Variants in MYO1E observed in about 807,000 individuals in gnomAD.
MYO1E encodes the protein unconventional myosin-Ie.
In MYO1E, 68 loss-of-function variants were observed where a neutral mutation model predicts 151.1. The observed-to-expected ratio is 0.45, with a 90% CI of 0.37 to 0.55. The LOEUF (loss-of-function observed/expected upper bound fraction) is 0.55. Among genes scored for constraint, MYO1E ranks in the 20% least tolerant of loss-of-function variants. The probability of loss-of-function intolerance (pLI) is 0.00; values close to 1 mark genes in which losing one functional copy is unlikely to be tolerated. For synonymous variants in MYO1E, 601 were observed against 501.7 expected (o/e 1.20, Z -2.64); for missense variants, 1,363 against 1,389.3 (o/e 0.98, Z 0.30).
At chr15:59,220,089 C>A (rs1457361844) in intron 9 of MYO1E, among the ~76,000 whole-genome samples, 2 of 152,192 alleles carry the variant, frequency 1.3e-5, no homozygotes, top group Non-Finnish European at 2.9e-5. Flanking sequence ...TTTAGCTTCA[C>A]AGCAACGTAA....
At chr15:59,286,247 G>A (rs1349070345) in intron 1 of MYO1E, among the ~76,000 whole-genome samples, 1 of 152,174 alleles carries the variant, frequency 6.6e-6, no homozygotes, top group Non-Finnish European at 1.5e-5. Context: ...TATACTGCTT[G>A]CAAAATACGC....
intron 14 of MYO1E, chr15:59,206,935 G>A (rs1479294610): frequency 3.7e-6 from 6 of 1,606,642 alleles, no homozygotes; most frequent in Non-Finnish European, 5.1e-6. Flanking sequence ...TCTTCAGTGA[G>A]CAGCCATGAG....
intron 19 of MYO1E, among the ~76,000 whole-genome samples, chr15:59,175,247 A>T (rs572036700): frequency 1.3e-5 from 2 of 152,342 alleles, no homozygotes; most frequent in East Asian, 3.9e-4. Flanking sequence ...GTAAAATAGT[A>T]GGAAACCTTC....
rs796100293 is a variant in MYO1E, at chr15:59,192,541, A to T, written c.1805+2920T>A. 2.0e-5 allele frequency among the ~76,000 whole-genome samples: 3 copies of T among 152,138 alleles called. No individual in the cohort carries two copies. The South Asian group carries it at 6.2e-4, about 32-fold the overall frequency. ...GAGGAGGGTGTGCTAGGGGGCATTG[A>T]TCAGACAATGCCCAGTTGTTCCCTA... On this transcript the variant is annotated intron_variant, in intron 17 of 27. Coordinates refer to ENST00000288235, the MANE Select transcript of MYO1E (RefSeq NM_004998.4).
chr15:59,269,947 CAG>C (rs1278176203), intron 2 of MYO1E, among the ~76,000 whole-genome samples: 1 of 152,086 alleles, frequency 6.6e-6, no homozygotes, highest in East Asian at 1.9e-4. Flanking sequence ...TGAGACTTTG[CAG>C]AGAGTCTGTT....
At chr15:59,151,891 C>G (rs1353735254) in intron 26 of MYO1E, among the ~76,000 whole-genome samples, 2 of 135,062 alleles carry the variant, frequency 1.5e-5, no homozygotes, top group South Asian at 2.2e-4. Flanking sequence ...TACAAAAATA[C>G]ACACACACAC....
chr15:59,277,288 T>C (rs1220253631), intron 1 of MYO1E, among the ~76,000 whole-genome samples: 2 of 152,166 alleles, frequency 1.3e-5, no homozygotes, highest in African/African-American at 4.8e-5. Flanking sequence ...GGCTCATACC[T>C]GTAATTCCAG....
rs1262295886 is a variant in MYO1E, at chr15:59,147,615, AC to A, written c.3080+5974del. Among the ~76,000 whole-genome samples, 63 of 147,870 alleles carry A rather than the reference AC, an allele frequency of 4.3e-4. 1 individual carries two copies. The highest frequency in any genetic ancestry group is 6.5e-4 in the South Asian group (3 of 4,618). On this transcript the variant is annotated intron_variant, in intron 26 of 27. Coordinates refer to ENST00000288235, the MANE Select transcript of MYO1E (RefSeq NM_004998.4). ...CTGTCTCAAAAAAAAAAAAAAAAAA[AC>A]AATACAAAAAAAAGAAAGGAAGAGA...
chr15:59,208,030 C>T, intron 14 of MYO1E: 2 of 1,590,506 alleles, frequency 1.3e-6, no homozygotes, highest in Non-Finnish European at 1.7e-6. Flanking sequence ...AGAAGAGGCC[C>T]ATCTGAAAAA....
intron 1 of MYO1E, among the ~76,000 whole-genome samples, chr15:59,280,481 T>A (rs527331922): frequency 0.027 from 4,118 of 152,044 alleles, 74 homozygotes; most frequent in Non-Finnish European, 0.034. Flanking sequence ...AAAATTAGCC[T>A]CGTGGTGGTG....
intron 1 of MYO1E, among the ~76,000 whole-genome samples, chr15:59,310,558 T>C (rs1417305147): frequency 6.6e-6 from 1 of 152,140 alleles, no homozygotes; most frequent in East Asian, 1.9e-4. Context: ...CACTAGAAGC[T>C]GAGCAAAAGC....
At chr15:59,186,855 T>G (rs1483468406) in intron 18 of MYO1E, among the ~76,000 whole-genome samples, 2 of 152,240 alleles carry the variant, frequency 1.3e-5, no homozygotes, top group Non-Finnish European at 2.9e-5. Context: ...ACAGAATCAT[T>G]AGAGAAGTTA....
At chr15:59,323,480 G>A (rs535053095) in intron 1 of MYO1E, among the ~76,000 whole-genome samples, 39 of 151,522 alleles carry the variant, frequency 2.6e-4, no homozygotes, top group Admixed American at 1.1e-3. Flanking sequence ...GTGAAACCCC[G>A]TCTCTACTAA....
intron 13 of MYO1E, 117 bp from the exon 14 acceptor site, chr15:59,208,965 A>G (rs1596366508): frequency 8.1e-7 from 1 of 1,229,608 alleles, no homozygotes; most frequent in East Asian, 2.5e-5. Context: ...CCATCTTGAA[A>G]GTCAGTATTC....
intron 1 of MYO1E, among the ~76,000 whole-genome samples, chr15:59,297,030 T>A (rs2080453748): frequency 6.0e-5 from 3 of 49,732 alleles, no homozygotes; most frequent in Non-Finnish European, 1.1e-4. Flanking sequence ...TTTTTGTGTT[T>A]TTTTGTAGAG....
chr15:59,280,878 A>G (rs1290025771), intron 1 of MYO1E, among the ~76,000 whole-genome samples: 6 of 152,176 alleles, frequency 3.9e-5, no homozygotes, highest in African/African-American at 1.4e-4. Flanking sequence ...ACCAAATACT[A>G]ATCTCACGTC....
chr15:59,209,312 T>C (rs1170675721), intron 13 of MYO1E, among the ~76,000 whole-genome samples: 1 of 152,250 alleles, frequency 6.6e-6, no homozygotes, highest in Non-Finnish European at 1.5e-5. Flanking sequence ...TCCTCATGTT[T>C]TACACATTCT....
At chr15:59,273,099 A>T (rs2080297447) in intron 1 of MYO1E, among the ~76,000 whole-genome samples, 1 of 152,218 alleles carries the variant, frequency 6.6e-6, no homozygotes, top group African/African-American at 2.4e-5. Flanking sequence ...AATAACGAGG[A>T]TGTGGACAGG....
chr15:59,208,569 C>T (rs1388385580), intron 14 of MYO1E, 112 bp downstream of exon 14: 56 of 1,317,182 alleles, frequency 4.3e-5, no homozygotes, highest in East Asian at 3.5e-4. Context: ...TAATAAATTC[C>T]GTTTGTTGAA....
Sources: gnomAD v4.1 joint callset for allele counts (sites outside exome capture counted in the v4.1 genomes callset) on GRCh38, gnomAD v4.1.1 for gene constraint, MANE v1.5 for transcripts, NCBI Gene and HGNC (gene_info 2026-07-23, HGNC 2026-07-21) for gene names.